TNRC6B: variants seen among roughly 807,000 people sequenced by gnomAD.
The protein encoded by TNRC6B is trinucleotide repeat-containing gene 6B protein.
TNRC6B carries 52 observed loss-of-function variants against 203.6 expected under a neutral mutation model. That is an observed-to-expected ratio of 0.26 (90% confidence interval 0.20 to 0.32). TNRC6B has a LOEUF of 0.32. Ranked by LOEUF, TNRC6B falls within the 10% of genes least tolerant of loss-of-function variation. TNRC6B has a pLI of 1.00. For synonymous variants in TNRC6B, 838 were observed against 845.7 expected, an observed-to-expected ratio of 0.99 and a Z score of 0.16; for missense variants, 1,923 against 2,286.2, an observed-to-expected ratio of 0.84 and a Z score of 3.24.
chr22:40,285,549 T>A, intron 11 of TNRC6B, 96 bp from the exon 12 acceptor site: 1 of 1,424,202 alleles, frequency 7.0e-7, no homozygotes, highest in South Asian at 1.4e-5. Context: ...GAACACAGCC[T>A]GTGATTCTTC....
At chr22:40,288,451 T>A (rs900710893) in intron 12 of TNRC6B, among the ~76,000 whole-genome samples, 1 of 150,638 alleles carries the variant, frequency 6.6e-6, no homozygotes, top group African/African-American at 2.4e-5. Context: ...ACACCTGCAA[T>A]CCCAGCCCTT....
chr22:40,134,976 TAC>T (rs2068586671), intron 3 of TNRC6B, among the ~76,000 whole-genome samples: 1 of 152,236 alleles, frequency 6.6e-6, no homozygotes. Context: ...TGGCTGGAGT[TAC>T]AGTCATCTGG....
intron 1 of TNRC6B, among the ~76,000 whole-genome samples, chr22:40,096,557 T>A (rs2068187446): frequency 6.6e-6 from 1 of 152,204 alleles, no homozygotes; most frequent in African/African-American, 2.4e-5. Flanking sequence ...TCAGTGTGCA[T>A]CATCCATTAT....
chr22:40,178,184 G>A, intron 1 of TNRC6B, 44 bp downstream of exon 1: 8 of 1,607,550 alleles, frequency 5.0e-6, no homozygotes, highest in Non-Finnish European at 6.8e-6. Flanking sequence ...TGATTTATAT[G>A]GATCTTGTCT....
At chr22:40,186,766 GAAAT>G (rs2069209537) in intron 1 of TNRC6B, among the ~76,000 whole-genome samples, 4 of 150,326 alleles carry the variant, frequency 2.7e-5, no homozygotes, top group Admixed American at 2.7e-4. Context: ...AAAATAAAAA[GAAAT>G]AAGTGAAATT....
intron 1 of TNRC6B, among the ~76,000 whole-genome samples, chr22:40,046,934 C>G (rs139216626): frequency 6.6e-6 from 1 of 152,086 alleles, no homozygotes; most frequent in African/African-American, 2.4e-5. Flanking sequence ...CGTGAGCCAC[C>G]GCGCCCGGCC....
At chr22:40,222,233 A>G (rs569225172) in intron 1 of TNRC6B, among the ~76,000 whole-genome samples, 2 of 152,314 alleles carry the variant, frequency 1.3e-5, no homozygotes, top group East Asian at 3.9e-4. Context: ...TAGGCAACCC[A>G]CATCTACATG....
chr22:40,166,681 G>C, intron 4 of TNRC6B, among the ~76,000 whole-genome samples: 1 of 152,020 alleles, frequency 6.6e-6, no homozygotes, highest in East Asian at 1.9e-4. Flanking sequence ...CAGATCACGA[G>C]GTCAGGAGTT....
intron 3 of TNRC6B, among the ~76,000 whole-genome samples, chr22:40,136,421 C>T (rs1405781676): frequency 4.7e-5 from 5 of 105,592 alleles, no homozygotes; most frequent in African/African-American, 3.4e-5. Context: ...TTTTTTGAGG[C>T]AGAGTGTTGC....
At chr22:40,086,624 G>A (rs572336605) in intron 1 of TNRC6B, among the ~76,000 whole-genome samples, 4 of 152,326 alleles carry the variant, frequency 2.6e-5, no homozygotes, top group South Asian at 4.1e-4. Context: ...ATGGATGACA[G>A]ACTTTTTAAT....
intron 1 of TNRC6B, among the ~76,000 whole-genome samples, chr22:40,053,496 T>A (rs1034265421): frequency 2.0e-5 from 3 of 152,190 alleles, no homozygotes; most frequent in African/African-American, 7.2e-5. Flanking sequence ...AAATACCCCT[T>A]TAACACACAG....
intron 7 of TNRC6B, among the ~76,000 whole-genome samples, chr22:40,275,250 G>A (rs2070622859): frequency 6.6e-6 from 1 of 152,140 alleles, no homozygotes; most frequent in Admixed American, 6.5e-5. Context: ...AGCATTCCTT[G>A]CACTCTTAGG....
intron 4 of TNRC6B, among the ~76,000 whole-genome samples, chr22:40,169,602 C>T (rs1173042250): frequency 1.3e-5 from 2 of 152,220 alleles, no homozygotes; most frequent in East Asian, 1.9e-4. Flanking sequence ...TAGCCACCCT[C>T]TCTCACTTAG....
intron 17 of TNRC6B, among the ~76,000 whole-genome samples, chr22:40,311,368 T>C (rs1397093046): frequency 6.6e-6 from 1 of 152,200 alleles, no homozygotes; most frequent in Non-Finnish European, 1.5e-5. Context: ...TTCTTTTCTT[T>C]CTGTCCCTCC....
rs2071363403 is a variant in TNRC6B, at chr22:40,323,318, T to C, written c.*77T>C. 6.8e-7 allele frequency: 1 copy of C among 1,480,628 alleles called. No individual in the cohort carries two copies. Among genetic ancestry groups the C allele is most frequent in the African/African-American group, 1.4e-5 (1 of 70,314 alleles). 91.7% of individuals were successfully genotyped at this position (1,480,628 alleles called of 1,614,324 possible). A position where few individuals can be genotyped will look rare whatever the true frequency, so the allele number is the denominator to read the frequency against. ...ACTAACTTGACCTTTTCGTTTTTTT[T>C]TTCAACTTGCAATAAATACATTTTT... On this transcript the variant is annotated 3_prime_UTR_variant, in exon 23 of 23. Transcript: ENST00000454349.
chr22:40,235,434 G>A (rs2069934706), intron 1 of TNRC6B, among the ~76,000 whole-genome samples: 1 of 152,148 alleles, frequency 6.6e-6, no homozygotes. Flanking sequence ...CCAGGACCAC[G>A]TCATCCCTAC....
intron 1 of TNRC6B, among the ~76,000 whole-genome samples, chr22:40,221,412 G>A (rs2069706575): frequency 6.6e-6 from 1 of 152,092 alleles, no homozygotes; most frequent in African/African-American, 2.4e-5. Context: ...TCATCTAGCT[G>A]AAGATTTTTG....
intron 1 of TNRC6B, among the ~76,000 whole-genome samples, chr22:40,069,595 C>T (rs1366433050): frequency 1.3e-5 from 2 of 151,094 alleles, no homozygotes; most frequent in African/African-American, 4.9e-5. Context: ...TCAGGCGATT[C>T]TCCTGCCTCA....
intron 4 of TNRC6B, among the ~76,000 whole-genome samples, chr22:40,162,089 C>G (rs903895478): frequency 6.6e-6 from 1 of 151,916 alleles, no homozygotes; most frequent in Non-Finnish European, 1.5e-5. Flanking sequence ...AATTTTGAAG[C>G]CAAATACCAA....
Sources: allele counts gnomAD v4.1 joint callset (sites outside exome capture counted in the v4.1 genomes callset), GRCh38; gene constraint gnomAD v4.1.1; transcripts MANE v1.5; gene names NCBI Gene and HGNC (gene_info 2026-07-23, HGNC 2026-07-21).